SNTG1: variants seen among roughly 807,000 people sequenced by gnomAD.
The protein encoded by SNTG1 is gamma-1-syntrophin.
A neutral mutation model predicts 74.7 loss-of-function variants in SNTG1; 39 were observed. That is an observed-to-expected ratio of 0.52 (90% CI 0.40 to 0.68). The LOEUF (loss-of-function observed/expected upper bound fraction) is 0.68, where lower values mean the gene tolerates loss of function less well. SNTG1 is among the 30% of genes least tolerant of loss of function. The pLI is 0.00. For synonymous variants in SNTG1, 254 were observed against 217.1 expected, an observed-to-expected ratio of 1.17 and a Z score of -1.49; for missense variants, 685 against 609.5, an observed-to-expected ratio of 1.12 and a Z score of -1.30.
chr8:50,201,445 G>C (rs143478912), intron 2 of SNTG1, among the ~76,000 whole-genome samples: 2 of 152,238 alleles, frequency 1.3e-5, no homozygotes, highest in African/African-American at 4.8e-5. Flanking sequence ...CTGGGTATTT[G>C]TTACAACTAA....
chr8:49,979,788 A>G (rs1306064343), intron 1 of SNTG1, among the ~76,000 whole-genome samples: 1 of 152,166 alleles, frequency 6.6e-6, no homozygotes, highest in Non-Finnish European at 1.5e-5. Flanking sequence ...GCAGCCCAGG[A>G]TTGCTGAGTC....
chr8:50,422,270 A>ATCTGTCTATCTAT (rs61696608), intron 4 of SNTG1, among the ~76,000 whole-genome samples: 2 of 151,582 alleles, frequency 1.3e-5, no homozygotes, highest in African/African-American at 2.4e-5. Context: ...CTATCTATCT[A>ATCTGTCTATCTAT]CTATCTATCT....
intron 1 of SNTG1, among the ~76,000 whole-genome samples, chr8:50,013,965 A>G (rs1349856877): frequency 6.6e-6 from 1 of 152,154 alleles, no homozygotes; most frequent in African/African-American, 2.4e-5. Context: ...CAAAAATACA[A>G]CAAGACAACT....
At chr8:49,993,845 T>G (rs1813921741) in intron 1 of SNTG1, among the ~76,000 whole-genome samples, 1 of 152,214 alleles carries the variant, frequency 6.6e-6, no homozygotes, top group Non-Finnish European at 1.5e-5. Flanking sequence ...TTTGTTATTG[T>G]GTTCTCTGGG....
intron 2 of SNTG1, 94 bp from the exon 3 acceptor site, chr8:50,394,118 A>G: frequency 1.1e-6 from 1 of 934,012 alleles, no homozygotes. Context: ...CAGTTTTCCC[A>G]CAAGTTCTGC....
chr8:49,942,395 C>T (rs1252081447), intron 1 of SNTG1, among the ~76,000 whole-genome samples: 2 of 152,148 alleles, frequency 1.3e-5, no homozygotes, highest in East Asian at 3.9e-4. Flanking sequence ...TCAAACACCC[C>T]ATATGAAGTT....
Position 50,125,188 on chromosome 8 carries a change from T to C in SNTG1, c.-102-47373T>C, listed in dbSNP as rs535974000. Reference sequence around the variant, plus strand: ...CAGGTGGACTAGGAAAGTGAGCATATGCATTTTTAACATCAGGAACTCAGT... The same window carrying C: ...CAGGTGGACTAGGAAAGTGAGCATACGCATTTTTAACATCAGGAACTCAGT... On this transcript the variant is annotated intron_variant, in intron 1 of 18. Coordinates refer to ENST00000642720, the MANE Select transcript of SNTG1 (RefSeq NM_018967.5). 1.1e-4 allele frequency among the ~76,000 whole-genome samples: 16 copies of C among 142,150 alleles called. 3 individuals carry two copies. Among genetic ancestry groups the C allele is most frequent in the Non-Finnish European group, 2.5e-4 (16 of 63,820 alleles). 93.3% of individuals were successfully genotyped at this position (142,150 alleles called of 152,430 possible). A position where few individuals can be genotyped will look rare whatever the true frequency, so the allele number is the denominator to read the frequency against.
chr8:50,444,928 C>T (rs1251884621), intron 5 of SNTG1, among the ~76,000 whole-genome samples: 1 of 152,076 alleles, frequency 6.6e-6, no homozygotes, highest in Non-Finnish European at 1.5e-5. Flanking sequence ...ACAATTTACC[C>T]ATTTAAAGTG....
rs956614549 is a variant in SNTG1, at chr8:49,996,561, A to G, written c.-103+84330A>G. Among the ~76,000 whole-genome samples, 5 of 152,270 alleles carry G rather than the reference A, an allele frequency of 3.3e-5. No individual in the cohort carries two copies. The Middle Eastern group carries it at 0.01, about 311-fold the overall frequency. On this transcript the variant is annotated intron_variant, in intron 1 of 18. Transcript: ENST00000642720. Reference sequence around the variant, plus strand: ...AGGACAAGCTTAAAATACAGAATATACTTTCTAATAGGACTTCTTAAAATA... The same window carrying G: ...AGGACAAGCTTAAAATACAGAATATGCTTTCTAATAGGACTTCTTAAAATA...
intron 17 of SNTG1, among the ~76,000 whole-genome samples, chr8:50,719,761 A>C (rs963058560): frequency 1.3e-5 from 2 of 152,198 alleles, no homozygotes; most frequent in African/African-American, 4.8e-5. Flanking sequence ...GATTAAAATA[A>C]ATATTGTAAT....
chr8:50,530,144 A>G, intron 9 of SNTG1, 33 bp from the exon 10 acceptor site: 1 of 1,580,966 alleles, frequency 6.3e-7, no homozygotes, highest in African/African-American at 1.3e-5. Context: ...TGGCATTCTC[A>G]CCAGTGGAAT....
At chr8:50,626,801 A>C (rs138950836) in intron 13 of SNTG1, among the ~76,000 whole-genome samples, 1 of 152,118 alleles carries the variant, frequency 6.6e-6, no homozygotes, top group Non-Finnish European at 1.5e-5. Context: ...ATGTCAGTGC[A>C]GCAGAGATTT....
At chr8:50,127,941 A>G (rs1198017092) in intron 1 of SNTG1, among the ~76,000 whole-genome samples, 2 of 152,126 alleles carry the variant, frequency 1.3e-5, no homozygotes, top group African/African-American at 4.8e-5. Flanking sequence ...TCTGTATTCA[A>G]TAGGTGGCTT....
intron 1 of SNTG1, among the ~76,000 whole-genome samples, chr8:50,008,536 AGATG>A (rs1257280870): frequency 5.3e-5 from 8 of 152,198 alleles, no homozygotes. Context: ...ATGGATGGAT[AGATG>A]GATGGATGGA....
At chr8:50,105,672 G>A (rs186951882) in intron 1 of SNTG1, among the ~76,000 whole-genome samples, 1,790 of 151,970 alleles carry the variant, frequency 0.012, 6 homozygotes, top group Non-Finnish European at 0.019. Flanking sequence ...ATGAGCATGG[G>A]ATATTTTTCT....
intron 17 of SNTG1, among the ~76,000 whole-genome samples, chr8:50,725,105 A>G (rs1428877659): frequency 6.6e-6 from 1 of 152,214 alleles, no homozygotes; most frequent in African/African-American, 2.4e-5. Flanking sequence ...GTTGGATCAA[A>G]ATAAAAAGTT....
chr8:50,547,784 G>C (rs577634038), intron 11 of SNTG1, among the ~76,000 whole-genome samples: 1 of 152,182 alleles, frequency 6.6e-6, no homozygotes, highest in South Asian at 2.1e-4. Flanking sequence ...TATTTTCAAA[G>C]ACCATAAATT....
At chr8:50,530,597 T>G (rs911003066) in intron 10 of SNTG1, among the ~76,000 whole-genome samples, 4 of 152,200 alleles carry the variant, frequency 2.6e-5, no homozygotes, top group African/African-American at 9.6e-5. Flanking sequence ...CACTTTTTTC[T>G]TTTGAAATTA....
At chr8:50,512,016 G>A (rs995728362) in intron 9 of SNTG1, among the ~76,000 whole-genome samples, 1 of 152,064 alleles carries the variant, frequency 6.6e-6, no homozygotes, top group African/African-American at 2.4e-5. Flanking sequence ...AGCCTCGATG[G>A]TCTTTACAAT....
Sources: allele counts gnomAD v4.1 joint callset (sites outside exome capture counted in the v4.1 genomes callset), GRCh38; gene constraint gnomAD v4.1.1; transcripts MANE v1.5; gene names NCBI Gene and HGNC (gene_info 2026-07-23, HGNC 2026-07-21).